The following NCALD variants were observed in gnomAD, a reference collection of about 807,000 sequenced individuals.
NCALD encodes the protein neurocalcin delta.
A neutral mutation model predicts 18.6 loss-of-function variants in NCALD; 10 were observed. The observed-to-expected ratio is 0.54, with a 90% confidence interval of 0.33 to 0.91. The LOEUF (loss-of-function observed/expected upper bound fraction) is 0.91. Ranked by LOEUF, NCALD falls within the 40% of genes least tolerant of loss-of-function variation. The pLI is 0.03. For synonymous variants in NCALD, 88 were observed against 87.4 expected (o/e 1.01, Z -0.04); for missense variants, 184 against 247.6 (o/e 0.74, Z 1.72).
intron 4 of NCALD, among the ~76,000 whole-genome samples, chr8:101,878,906 A>G (rs934738232): frequency 6.6e-6 from 1 of 152,182 alleles, no homozygotes; most frequent in African/African-American, 2.4e-5. Context: ...TACGATGATG[A>G]AAAAAAGCAG....
At chr8:101,972,934 C>T (rs1188095562) in intron 2 of NCALD, among the ~76,000 whole-genome samples, 1 of 152,102 alleles carries the variant, frequency 6.6e-6, no homozygotes, top group Non-Finnish European at 1.5e-5. Flanking sequence ...AGACAGTTGT[C>T]ACTTTAAGAG....
At chr8:101,951,931 G>A (rs1409416515) in intron 2 of NCALD, among the ~76,000 whole-genome samples, 1 of 152,178 alleles carries the variant, frequency 6.6e-6, no homozygotes, top group Non-Finnish European at 1.5e-5. Flanking sequence ...TGTCAGTCAA[G>A]GCACAGCCAT....
At chr8:101,953,658 A>G (rs1298762964) in intron 2 of NCALD, among the ~76,000 whole-genome samples, 1 of 152,244 alleles carries the variant, frequency 6.6e-6, no homozygotes, top group Non-Finnish European at 1.5e-5. Context: ...ATAAACGCAC[A>G]CTGCATTCAG....
intron 3 of NCALD, chr8:101,690,382 G>C (rs1320083873): frequency 2.0e-6 from 2 of 984,658 alleles, no homozygotes; most frequent in Non-Finnish European, 2.4e-6. Flanking sequence ...CTCTTGAAAG[G>C]AGCTGCCCCA....
chr8:101,691,683 T>C (rs1000354426), intron 3 of NCALD: 1 of 985,374 alleles, frequency 1.0e-6, no homozygotes, highest in Non-Finnish European at 1.2e-6. Flanking sequence ...CCAAATGGAA[T>C]GGCACCTTTG....
At chr8:101,850,696 C>T (rs868143710) in intron 4 of NCALD, among the ~76,000 whole-genome samples, 3 of 152,210 alleles carry the variant, frequency 2.0e-5, no homozygotes, top group Middle Eastern at 3.4e-3. Flanking sequence ...TTTCTCATGA[C>T]GTATCCTTAC....
chr8:102,081,545 T>TAAAA (rs770307937), intron 1 of NCALD, among the ~76,000 whole-genome samples: 21 of 68,698 alleles, frequency 3.1e-4, no homozygotes, highest in Admixed American at 1.2e-3. Flanking sequence ...CAAATAATGG[T>TAAAA]AAAAAAAAAA....
intron 4 of NCALD, among the ~76,000 whole-genome samples, chr8:101,803,699 C>T (rs1812952511): frequency 6.6e-6 from 1 of 152,106 alleles, no homozygotes; most frequent in Non-Finnish European, 1.5e-5. Context: ...TGAGTCTAAC[C>T]TTCATGGATG....
chr8:102,040,948 G>A (rs1823029758), intron 1 of NCALD, among the ~76,000 whole-genome samples: 2 of 144,234 alleles, frequency 1.4e-5, no homozygotes, highest in Admixed American at 6.7e-5. Context: ...GTTATACCCT[G>A]TAAAAGTTTA....
At chr8:102,112,576 T>C (rs976473573) in intron 1 of NCALD, among the ~76,000 whole-genome samples, 6 of 152,158 alleles carry the variant, frequency 3.9e-5, no homozygotes, top group African/African-American at 1.4e-4. Flanking sequence ...ACTACATCAG[T>C]TTTCAAAAAA....
intron 2 of NCALD, among the ~76,000 whole-genome samples, chr8:101,960,632 C>G (rs1819801459): frequency 6.6e-6 from 1 of 152,122 alleles, no homozygotes; most frequent in South Asian, 2.1e-4. Context: ...TGAACCTAGA[C>G]TTCTCACTTG....
chr8:101,702,537 A>G (rs188805499), intron 2 of NCALD, among the ~76,000 whole-genome samples: 6 of 152,274 alleles, frequency 3.9e-5, no homozygotes, highest in Admixed American at 6.5e-5. Flanking sequence ...ACTAGATACT[A>G]TGATTCTTAA....
chr8:102,009,367 G>A (rs1821825487), intron 2 of NCALD, among the ~76,000 whole-genome samples: 1 of 152,212 alleles, frequency 6.6e-6, no homozygotes, highest in Non-Finnish European at 1.5e-5. Context: ...GTGTCAGAAG[G>A]GGAGAGGTTG....
intron 1 of NCALD, among the ~76,000 whole-genome samples, chr8:102,091,909 T>C (rs1350881095): frequency 6.6e-6 from 1 of 152,130 alleles, no homozygotes; most frequent in African/African-American, 2.4e-5. Context: ...TTACAACTCT[T>C]AGGATTAAGG....
chr8:102,025,280 C>A (rs1396146498), intron 1 of NCALD, among the ~76,000 whole-genome samples: 1 of 152,186 alleles, frequency 6.6e-6, no homozygotes, highest in East Asian at 1.9e-4. Flanking sequence ...TCCCATGATG[C>A]CCACCCCAGA....
At chr8:101,839,946 G>A (rs551648289) in intron 4 of NCALD, among the ~76,000 whole-genome samples, 4 of 152,196 alleles carry the variant, frequency 2.6e-5, no homozygotes, top group East Asian at 1.9e-4. Context: ...AAGTAACTGA[G>A]AACCAATTGT....
intron 2 of NCALD, 114 bp downstream of exon 2, chr8:101,719,138 A>C (rs1816229744): frequency 7.9e-7 from 1 of 1,260,638 alleles, no homozygotes; most frequent in African/African-American, 1.5e-5. Context: ...GGGCCAAATG[A>C]AGTGTCCTGG....
At chr8:102,098,184 A>G (rs769206772) in intron 1 of NCALD, among the ~76,000 whole-genome samples, 1 of 152,000 alleles carries the variant, frequency 6.6e-6, no homozygotes, top group Non-Finnish European at 1.5e-5. Context: ...GCCCATCCAG[A>G]TCCCTGGAGA....
At chr8:101,931,281 C>T (rs532321276) in intron 2 of NCALD, among the ~76,000 whole-genome samples, 1 of 152,348 alleles carries the variant, frequency 6.6e-6, no homozygotes, top group South Asian at 2.1e-4. Flanking sequence ...AGGCAGTTCA[C>T]TTATCATTCA....
Sources: gnomAD v4.1 joint callset for allele counts (sites outside exome capture counted in the v4.1 genomes callset) on GRCh38, gnomAD v4.1.1 for gene constraint, MANE v1.5 for transcripts, NCBI Gene and HGNC (gene_info 2026-07-23, HGNC 2026-07-21) for gene names.